Variants in KCNIP1 observed in about 807,000 individuals in gnomAD.
KCNIP1 encodes potassium voltage-gated channel interacting protein 1.
A neutral mutation model predicts 33.0 loss-of-function variants in KCNIP1; 18 were observed. That is an observed-to-expected ratio of 0.55 (90% CI 0.38 to 0.81). The LOEUF (loss-of-function observed/expected upper bound fraction) is 0.81. KCNIP1 is among the 30% of genes least tolerant of loss of function. The probability of loss-of-function intolerance (pLI) is 0.00; values close to 1 mark genes in which losing one functional copy is unlikely to be tolerated. For missense variants in KCNIP1, 238 were observed against 271.6 expected, an observed-to-expected ratio of 0.88 and a Z score of 0.87; for synonymous variants, 93 against 98.3, an observed-to-expected ratio of 0.95 and a Z score of 0.32.
intron 1 of KCNIP1, among the ~76,000 whole-genome samples, chr5:170,467,971 T>C (rs1329324851): frequency 1.4e-5 from 2 of 147,952 alleles, no homozygotes; most frequent in Non-Finnish European, 3.0e-5. Flanking sequence ...GGAATAGAAC[T>C]ATATTCTTTC....
chr5:170,353,627 C>T (rs565523605), exon 1 of KCNIP1: 86 of 566,348 alleles, frequency 1.5e-4, no homozygotes, highest in Non-Finnish European at 2.2e-4. Flanking sequence ...GAGGTCCTCC[C>T]GTGGTGAGGA....
At chr5:170,725,063 A>T (rs1306414944) in intron 5 of KCNIP1, among the ~76,000 whole-genome samples, 1 of 152,228 alleles carries the variant, frequency 6.6e-6, no homozygotes, top group African/African-American at 2.4e-5. Flanking sequence ...TGCAGTAGTC[A>T]AGATGGTAGG....
At chr5:170,604,651 C>A (rs536244773) in intron 1 of KCNIP1, among the ~76,000 whole-genome samples, 3 of 152,262 alleles carry the variant, frequency 2.0e-5, no homozygotes, top group African/African-American at 7.2e-5. Context: ...CCTGCTCACT[C>A]CTGGTATGTA....
At chr5:170,420,452 G>T (rs1193873715) in intron 1 of KCNIP1, 7 of 150,500 alleles carry the variant, frequency 4.7e-5, no homozygotes, top group Non-Finnish European at 1.0e-4. Context: ...AGAATCACTT[G>T]AACCTGGGAG....
chr5:170,707,420 A>G (rs1338841473), intron 1 of KCNIP1, among the ~76,000 whole-genome samples: 1 of 152,212 alleles, frequency 6.6e-6, no homozygotes, highest in Non-Finnish European at 1.5e-5. Context: ...GCTGGAATCT[A>G]GATAATTCCT....
intron 1 of KCNIP1, among the ~76,000 whole-genome samples, chr5:170,390,538 A>ATATATATATATATATATTTTTT: frequency 7.6e-6 from 1 of 131,264 alleles, no homozygotes; most frequent in African/African-American, 3.0e-5. Flanking sequence ...ATATATATAT[A>ATATATATATATATATATTTTTT]TTTTCAACAA....
chr5:170,368,859 T>C (rs904136381), intron 1 of KCNIP1, among the ~76,000 whole-genome samples: 1 of 152,176 alleles, frequency 6.6e-6, no homozygotes, highest in African/African-American at 2.4e-5. Context: ...CGCATTCTCC[T>C]CCAGCCAAAC....
In KCNIP1 at chr5:170,577,569, CAAT is replaced by C. The variant is rs368860587; in HGVS notation, c.61+72940_61+72942del. 1.9e-3 allele frequency among the ~76,000 whole-genome samples: 285 copies of C among 152,186 alleles called. 4 individuals carry two copies. Among genetic ancestry groups the C allele is most frequent in the African/African-American group, 6.6e-3 (273 of 41,528 alleles). ...TCACTTGTTAATTCTGACTCAGGGG[CAAT>C]AATGTTTTCATTTGATTAAAAAAGG... On this transcript the variant is annotated intron_variant, in intron 1 of 7. Coordinates refer to ENST00000328939, the MANE Select transcript of KCNIP1 (RefSeq NM_014592.4).
chr5:170,391,571 G>T (rs1051889559), intron 1 of KCNIP1, among the ~76,000 whole-genome samples: 1 of 152,182 alleles, frequency 6.6e-6, no homozygotes, highest in Non-Finnish European at 1.5e-5. Flanking sequence ...AAATATTGAC[G>T]GTTTGCATTA....
At chr5:170,568,908 C>A (rs1231196099) in intron 1 of KCNIP1, among the ~76,000 whole-genome samples, 1 of 152,128 alleles carries the variant, frequency 6.6e-6, no homozygotes, top group Non-Finnish European at 1.5e-5. Flanking sequence ...GCTACCCAGG[C>A]TTGTGTTTTC....
intron 1 of KCNIP1, among the ~76,000 whole-genome samples, chr5:170,518,900 A>G (rs1755252233): frequency 6.6e-6 from 1 of 152,124 alleles, no homozygotes; most frequent in Non-Finnish European, 1.5e-5. Context: ...CAGGAATGAG[A>G]GGCACATCCT....
intron 5 of KCNIP1, among the ~76,000 whole-genome samples, chr5:170,729,324 G>GT (rs1561787533): frequency 6.6e-6 from 1 of 151,954 alleles, no homozygotes; most frequent in African/African-American, 2.4e-5. Flanking sequence ...TGACAAACTT[G>GT]TTTTTAAAAA....
chr5:170,390,502 C>CAAAAAAAAAAAAAA (rs1296285736), intron 1 of KCNIP1, among the ~76,000 whole-genome samples: 1 of 35,794 alleles, frequency 2.8e-5, no homozygotes, highest in African/African-American at 1.7e-4. Context: ...GACCCCGTCT[C>CAAAAAAAAAAAAAA]AAAAAAAAAA....
In KCNIP1 at chr5:170,634,734, G is replaced by T. The variant is rs1469776542; in HGVS notation, c.62-84024G>T. 5.3e-5 allele frequency among the ~76,000 whole-genome samples: 8 copies of T among 152,240 alleles called. No individual in the cohort carries two copies. In the South Asian group the frequency reaches 1.2e-3, roughly 24 times the overall value. ...GGGAAACCACTGAAGCAAGAGGAAGGCCAGGCAGATGTGTCCTGAAAGCCA... is the reference window on the plus strand; with the variant it reads ...GGGAAACCACTGAAGCAAGAGGAAGTCCAGGCAGATGTGTCCTGAAAGCCA... On this transcript the variant is annotated intron_variant, in intron 1 of 7. Coordinates refer to ENST00000328939, the MANE Select transcript of KCNIP1 (RefSeq NM_014592.4).
At chr5:170,659,571 CCTT>C (rs780130491) in intron 1 of KCNIP1, among the ~76,000 whole-genome samples, 1 of 152,310 alleles carries the variant, frequency 6.6e-6, no homozygotes, top group South Asian at 2.1e-4. Flanking sequence ...CTCCCTTTCT[CCTT>C]CTTTGTATAG....
At chr5:170,662,829 C>A (rs1761552417) in intron 1 of KCNIP1, among the ~76,000 whole-genome samples, 1 of 152,194 alleles carries the variant, frequency 6.6e-6, no homozygotes, top group Non-Finnish European at 1.5e-5. Flanking sequence ...AAAACCTATC[C>A]CACACACCCT....
At chr5:170,463,485 G>A (rs1011119942) in intron 1 of KCNIP1, among the ~76,000 whole-genome samples, 4 of 151,916 alleles carry the variant, frequency 2.6e-5, no homozygotes, top group Non-Finnish European at 5.9e-5. Flanking sequence ...TGACCAAATA[G>A]GATTTATCAA....
intron 1 of KCNIP1, among the ~76,000 whole-genome samples, chr5:170,630,064 C>T (rs1249520586): frequency 6.6e-6 from 1 of 152,176 alleles, no homozygotes; most frequent in Non-Finnish European, 1.5e-5. Context: ...TAGCTGGGCT[C>T]CTCCAGCAAA....
Position 170,389,943 on chromosome 5 carries a change from T to C in KCNIP1, c.88+35979T>C, listed in dbSNP as rs563964349. 1.5e-3 allele frequency among the ~76,000 whole-genome samples: 222 copies of C among 152,324 alleles called. 1 individual carries two copies. The highest frequency in any genetic ancestry group is 2.7e-3 in the Non-Finnish European group (184 of 68,026). On this transcript the variant is annotated intron_variant, in intron 1 of 7. Coordinates refer to the KCNIP1 transcript ENST00000377360. ...AACCTACTTTGCTTTAGGGTAGTGA[T>C]GGGAGTTAGAGACGGTGGGGATTTA...
Sources: allele counts gnomAD v4.1 joint callset (sites outside exome capture counted in the v4.1 genomes callset), GRCh38; gene constraint gnomAD v4.1.1; transcripts MANE v1.5; gene names NCBI Gene and HGNC (gene_info 2026-07-23, HGNC 2026-07-21).